ZMYM2: variants seen among roughly 807,000 people sequenced by gnomAD.
The protein encoded by ZMYM2 is zinc finger MYM-type protein 2.
A neutral mutation model predicts 162.8 loss-of-function variants in ZMYM2; 56 were observed. That is an observed-to-expected ratio of 0.34 (90% CI 0.28 to 0.43). The LOEUF is 0.43. Among genes scored for constraint, ZMYM2 ranks in the 20% least tolerant of loss-of-function variants. The pLI is 1.00. For synonymous variants in ZMYM2, 510 were observed against 541.6 expected, an observed-to-expected ratio of 0.94 and a Z score of 0.81; for missense variants, 1,275 against 1,621.8, an observed-to-expected ratio of 0.79 and a Z score of 3.67.
intron 12 of ZMYM2, among the ~76,000 whole-genome samples, chr13:20,038,372 T>TAGG (rs1482286151): frequency 1.3e-5 from 2 of 152,226 alleles, no homozygotes; most frequent in Non-Finnish European, 2.9e-5. Flanking sequence ...CAGAATGGTA[T>TAGG]TGCCTAGGTT....
At chr13:19,923,058 G>A in the ZMYM2 span, among the ~76,000 whole-genome samples, 1 of 149,992 alleles carries the variant, frequency 6.7e-6, no homozygotes, top group African/African-American at 2.4e-5. Flanking sequence ...GAAAAGTCAG[G>A]GCCGGATGTG....
At chr13:19,930,765 C>T in the ZMYM2 span, among the ~76,000 whole-genome samples, 2 of 151,680 alleles carry the variant, frequency 1.3e-5, no homozygotes, top group African/African-American at 4.8e-5. Context: ...TCTCGAACTC[C>T]TGACCTCAGG....
the ZMYM2 span, among the ~76,000 whole-genome samples, chr13:19,941,013 T>A: frequency 6.6e-6 from 1 of 152,074 alleles, no homozygotes; most frequent in African/African-American, 2.4e-5. Context: ...GCTGTAGTAG[T>A]TAAGACAAAA....
chr13:20,009,657 A>AT (rs1274257996), intron 6 of ZMYM2, among the ~76,000 whole-genome samples: 2 of 152,114 alleles, frequency 1.3e-5, no homozygotes, highest in East Asian at 3.8e-4. Context: ...ATTATATAAT[A>AT]TTTGTCTTTT....
chr13:20,074,977 G>A (rs952048356), intron 21 of ZMYM2, among the ~76,000 whole-genome samples: 1 of 152,182 alleles, frequency 6.6e-6, no homozygotes, highest in Non-Finnish European at 1.5e-5. Flanking sequence ...TTTAAAAATT[G>A]TGGAATATCT....
the ZMYM2 span, among the ~76,000 whole-genome samples, chr13:19,932,224 C>T: frequency 6.6e-6 from 1 of 152,188 alleles, no homozygotes; most frequent in East Asian, 1.9e-4. Flanking sequence ...TTGTGTTTCC[C>T]CCAAAATTCT....
At chr13:19,879,595 G>A in the ZMYM2 span, among the ~76,000 whole-genome samples, 4 of 152,206 alleles carry the variant, frequency 2.6e-5, no homozygotes, top group East Asian at 7.7e-4. Flanking sequence ...TTTCCATTTT[G>A]TTCCTTTTAA....
chr13:20,031,631 A>G (rs1953146705), intron 10 of ZMYM2, among the ~76,000 whole-genome samples, 196 bp downstream of exon 10: 1 of 152,154 alleles, frequency 6.6e-6, no homozygotes, highest in Non-Finnish European at 1.5e-5. Flanking sequence ...TAGGTCCAAG[A>G]AAAATTACTG....
chr13:20,086,010 A>C lies in ZMYM2; in HGVS notation c.4130A>C (p.Asp1377Ala). The C allele has an allele frequency of 6.2e-7, 1 of 1,613,018 alleles. No homozygotes were observed. The highest frequency in any genetic ancestry group is 8.5e-7 in the Non-Finnish European group (1 of 1,179,510). ...KDNYELDEDT[D>A] Reference sequence around the variant, plus strand: ...AATTATGAACTGGATGAAGACACAGACTAAAAAGGAACGTTGCAGAAGCAA... The same window carrying C: ...AATTATGAACTGGATGAAGACACAGCCTAAAAAGGAACGTTGCAGAAGCAA... Residue 1377 changes from aspartate to alanine, a missense_variant, in exon 25 of 25, where the codon GAC becomes GCC. This residue lies in a region of ZMYM2 where 69 missense variants were observed against 78.4 expected (regional missense o/e 0.88). Coordinates refer to ENST00000610343, the MANE Select transcript of ZMYM2 (RefSeq NM_197968.4).
At chr13:19,874,339 T>A in the ZMYM2 span, among the ~76,000 whole-genome samples, 1 of 151,924 alleles carries the variant, frequency 6.6e-6, no homozygotes, top group East Asian at 1.9e-4. Flanking sequence ...CCCACCTCAG[T>A]CTTCTAAGTG....
the ZMYM2 span, among the ~76,000 whole-genome samples, chr13:19,878,591 G>A: frequency 3.7e-5 from 5 of 134,726 alleles, no homozygotes; most frequent in African/African-American, 5.6e-5. Context: ...GCACCATCTC[G>A]GCTCACTGCA....
At chr13:19,989,875 A>G (rs1460626546) in intron 2 of ZMYM2, among the ~76,000 whole-genome samples, 1 of 152,190 alleles carries the variant, frequency 6.6e-6, no homozygotes, top group Non-Finnish European at 1.5e-5. Flanking sequence ...TATACCTTGT[A>G]GATTTTTTTT....
At chr13:20,012,765 C>G (rs1026551458) in intron 6 of ZMYM2, among the ~76,000 whole-genome samples, 6 of 152,148 alleles carry the variant, frequency 3.9e-5, no homozygotes, top group African/African-American at 1.4e-4. Flanking sequence ...GGACTTATCA[C>G]ACTTGTCAAA....
intron 12 of ZMYM2, among the ~76,000 whole-genome samples, chr13:20,040,168 G>C (rs1254381714): frequency 6.6e-6 from 1 of 152,196 alleles, no homozygotes; most frequent in East Asian, 1.9e-4. Flanking sequence ...AATGATACCA[G>C]CTCTTCTTTG....
chr13:19,953,040 C>T, the ZMYM2 span, among the ~76,000 whole-genome samples: 1 of 152,194 alleles, frequency 6.6e-6, no homozygotes, highest in Non-Finnish European at 1.5e-5. Context: ...CTCTCTCAGC[C>T]TTTCAGACAT....
chr13:20,042,688 CT>C (rs1349099793), intron 12 of ZMYM2, among the ~76,000 whole-genome samples: 2 of 151,942 alleles, frequency 1.3e-5, no homozygotes, highest in Non-Finnish European at 2.9e-5. Context: ...TTCCTTCAAC[CT>C]TTGAAGTTGC....
intron 6 of ZMYM2, among the ~76,000 whole-genome samples, chr13:20,014,995 AGGT>A (rs1318493803): frequency 7.9e-5 from 12 of 152,040 alleles, no homozygotes; most frequent in Admixed American, 6.6e-4. Context: ...TCCTGACCTC[AGGT>A]GATCTGCTCG....
chr13:19,901,822 T>A, the ZMYM2 span, among the ~76,000 whole-genome samples: 3 of 152,202 alleles, frequency 2.0e-5, no homozygotes, highest in Non-Finnish European at 2.9e-5. Flanking sequence ...CTCACTGTGC[T>A]CATTCTGTTA....
chr13:20,016,658 T>C lies in ZMYM2; in HGVS notation c.1513-2889T>C, dbSNP rs537052658. Among the ~76,000 whole-genome samples, 4 of 152,270 alleles carry C rather than the reference T, an allele frequency of 2.6e-5. No homozygotes were observed. In the East Asian group the frequency reaches 7.7e-4, roughly 29 times the overall value. ...GCTTTTTTTTCTCTATTATTTTAAA[T>C]GTTATTCCACTGCCTTTTGGCCTCC... On this transcript the variant is annotated intron_variant, in intron 6 of 24. Transcript: ENST00000610343.
Sources: allele counts gnomAD v4.1 joint callset (sites outside exome capture counted in the v4.1 genomes callset), GRCh38; gene constraint gnomAD v4.1.1; regional missense constraint gnomAD v4.1.1; transcripts MANE v1.5; gene names NCBI Gene and HGNC (gene_info 2026-07-23, HGNC 2026-07-21).